HELZ: variants seen among roughly 807,000 people sequenced by gnomAD.
The protein encoded by HELZ is ATP-dependent RNA helicase with zinc finger domain.
A neutral mutation model predicts 218.2 loss-of-function variants in HELZ; 23 were observed. The observed-to-expected ratio is 0.11, with a 90% confidence interval of 0.08 to 0.15. The LOEUF (loss-of-function observed/expected upper bound fraction) is 0.15. HELZ is among the 10% of genes least tolerant of loss of function. HELZ has a pLI of 1.00. For synonymous variants in HELZ, 814 were observed against 829.4 expected, an observed-to-expected ratio of 0.98 and a Z score of 0.32; for missense variants, 1,813 against 2,353.7, an observed-to-expected ratio of 0.77 and a Z score of 4.75.
intron 31 of HELZ, among the ~76,000 whole-genome samples, chr17:67,088,520 A>C (rs2036461296): frequency 6.6e-6 from 1 of 152,184 alleles, no homozygotes; most frequent in African/African-American, 2.4e-5. Flanking sequence ...TAGGATGTAA[A>C]CTAGGGAAGA....
At chr17:67,123,916 T>C in intron 25 of HELZ, 47 bp downstream of exon 25, 1 of 1,379,290 alleles carries the variant, frequency 7.3e-7, no homozygotes. Context: ...GGGGAAAATC[T>C]CTTACATCAT....
chr17:67,225,776 A>G (rs1020125231), intron 3 of HELZ, among the ~76,000 whole-genome samples: 1 of 152,206 alleles, frequency 6.6e-6, no homozygotes, highest in Non-Finnish European at 1.5e-5. Flanking sequence ...CCACTTTTAT[A>G]AAACAGAAAC....
chr17:67,121,801 T>C (rs1247008019), intron 26 of HELZ, among the ~76,000 whole-genome samples: 2 of 152,210 alleles, frequency 1.3e-5, no homozygotes, highest in African/African-American at 4.8e-5. Flanking sequence ...AGAGTAATGT[T>C]TTTAAGTAGT....
intron 23 of HELZ, among the ~76,000 whole-genome samples, chr17:67,129,548 A>C (rs1198826352): frequency 2.0e-5 from 3 of 152,080 alleles, no homozygotes; most frequent in Non-Finnish European, 4.4e-5. Context: ...TTAAGAAATA[A>C]CCAGCTACTC....
intron 6 of HELZ, 60 bp downstream of exon 6, chr17:67,203,259 C>T: frequency 6.4e-7 from 1 of 1,564,546 alleles, no homozygotes; most frequent in Non-Finnish European, 8.7e-7. Context: ...CCACAATATA[C>T]CTAAGGAATC....
chr17:67,111,470 T>C (rs2037277854), intron 28 of HELZ, among the ~76,000 whole-genome samples: 2 of 152,170 alleles, frequency 1.3e-5, no homozygotes, highest in Non-Finnish European at 2.9e-5. Context: ...AGCACTTGCC[T>C]CACCCTAGGC....
At position 67,073,800 on chromosome 17, in the gene HELZ, G is replaced by T. The variant is rs1413476206; in HGVS notation, c.*4452C>A. On this transcript the variant is annotated 3_prime_UTR_variant, in exon 33 of 33. Coordinates refer to ENST00000358691, the MANE Select transcript of HELZ (RefSeq NM_014877.4). ...GTAAGATTCACTCCTTGCAACAATGGTCTTGACATTACTGATTAAAAAGGT... is the reference window on the plus strand; with the variant it reads ...GTAAGATTCACTCCTTGCAACAATGTTCTTGACATTACTGATTAAAAAGGT... 1 of 152,096 alleles carries T rather than the reference G, an allele frequency of 6.6e-6. No homozygotes were observed. The highest frequency in any genetic ancestry group is 1.5e-5 in the Non-Finnish European group (1 of 68,020). 9.4% of individuals were successfully genotyped at this position (152,096 alleles called of 1,614,324 possible). A position where few individuals can be genotyped will look rare whatever the true frequency, so the allele number is the denominator to read the frequency against.
intron 2 of HELZ, among the ~76,000 whole-genome samples, chr17:67,242,768 G>C (rs996332154): frequency 6.7e-6 from 1 of 149,984 alleles, no homozygotes; most frequent in African/African-American, 2.5e-5. Context: ...AAAGAATCTT[G>C]GTTTATGTCC....
chr17:67,126,590 T>C (rs982170566), intron 24 of HELZ, among the ~76,000 whole-genome samples: 1 of 152,170 alleles, frequency 6.6e-6, no homozygotes, highest in Non-Finnish European at 1.5e-5. Context: ...GGCTCAAGCC[T>C]GTAATCCCAG....
intron 31 of HELZ, among the ~76,000 whole-genome samples, chr17:67,102,137 T>C (rs553156167): frequency 6.6e-6 from 1 of 152,270 alleles, no homozygotes; most frequent in Admixed American, 6.5e-5. Context: ...TACATGAGAA[T>C]AGTCTAAAAA....
chr17:67,132,563 C>T (rs1184561860), intron 23 of HELZ, among the ~76,000 whole-genome samples: 1 of 152,118 alleles, frequency 6.6e-6, no homozygotes, highest in Non-Finnish European at 1.5e-5. Flanking sequence ...AATCAGGCTG[C>T]CCATTTAAAA....
chr17:67,076,125 T>TCAGATTGCTTTTGAACATTTATC lies in HELZ; in HGVS notation c.*2104_*2126dup. ...ACTTGACAATTCTGTCTTCATATTA[T>TCAGATTGCTTTTGAACATTTATC]CAGATTGCTTTTGAACATTTATCTA... On this transcript the variant is annotated 3_prime_UTR_variant, in exon 33 of 33. Coordinates refer to ENST00000358691, the MANE Select transcript of HELZ (RefSeq NM_014877.4). 1 of 152,584 alleles carries TCAGATTGCTTTTGAACATTTATC rather than the reference T, an allele frequency of 6.6e-6. No individual in the cohort carries two copies. The highest frequency in any genetic ancestry group is 2.4e-5 in the African/African-American group (1 of 41,456). 9.5% of individuals were successfully genotyped at this position (152,584 alleles called of 1,614,324 possible). A position where few individuals can be genotyped will look rare whatever the true frequency, so the allele number is the denominator to read the frequency against.
intron 15 of HELZ, among the ~76,000 whole-genome samples, chr17:67,164,977 G>A (rs2039098220): frequency 6.6e-6 from 1 of 152,170 alleles, no homozygotes; most frequent in African/African-American, 2.4e-5. Context: ...CAACTAGAAA[G>A]CTACTGAAAT....
At chr17:67,102,088 G>A (rs1466201618) in intron 31 of HELZ, among the ~76,000 whole-genome samples, 1 of 152,304 alleles carries the variant, frequency 6.6e-6, no homozygotes, top group East Asian at 1.9e-4. Flanking sequence ...CTGCGTTTGA[G>A]GTGGGGAAGG....
chr17:67,106,315 AT>A (rs561621541), intron 31 of HELZ, among the ~76,000 whole-genome samples: 33 of 131,684 alleles, frequency 2.5e-4, no homozygotes, highest in Admixed American at 2.9e-4. Context: ...TTATTTATTT[AT>A]TTTTTTTTTT....
chr17:67,089,694 G>GACAGAGAGAC (rs1555595479), intron 31 of HELZ, among the ~76,000 whole-genome samples: 12 of 100,684 alleles, frequency 1.2e-4, no homozygotes, highest in Non-Finnish European at 2.1e-4. Flanking sequence ...GAGAGAGAGA[G>GACAGAGAGAC]AGAGAGACAG....
chr17:67,086,662 A>ATATATATATATATATT (rs2036400632), intron 32 of HELZ, among the ~76,000 whole-genome samples, 167 bp downstream of exon 32: 3 of 139,506 alleles, frequency 2.2e-5, no homozygotes, highest in Non-Finnish European at 4.6e-5. Context: ...ATATATATAT[A>ATATATATATATATATT]TAGAATCAAT....
At chr17:67,232,297 CCAT>C (rs1445666659) in intron 3 of HELZ, among the ~76,000 whole-genome samples, 2 of 151,968 alleles carry the variant, frequency 1.3e-5, no homozygotes, top group Non-Finnish European at 2.9e-5. Flanking sequence ...GCACACACCA[CCAT>C]AACCGGCTAT....
chr17:67,175,182 C>T (rs2039419931), intron 13 of HELZ, among the ~76,000 whole-genome samples: 1 of 152,198 alleles, frequency 6.6e-6, no homozygotes, highest in Non-Finnish European at 1.5e-5. Context: ...CAAAGCCAAC[C>T]TTCAAACTGT....
Sources: allele counts gnomAD v4.1 joint callset (sites outside exome capture counted in the v4.1 genomes callset), GRCh38; gene constraint gnomAD v4.1.1; transcripts MANE v1.5; gene names NCBI Gene and HGNC (gene_info 2026-07-23, HGNC 2026-07-21).